Variants in AMDHD1 observed in about 807,000 individuals in gnomAD.
AMDHD1 encodes probable imidazolonepropionase.
Under a neutral mutation model 44.1 loss-of-function variants are expected in AMDHD1, and 45 were observed. The ratio of observed to expected loss-of-function variants is 1.02; its 90% CI spans 0.80 to 1.31. The LOEUF (loss-of-function observed/expected upper bound fraction) is 1.31. AMDHD1 is among the 50% of genes most tolerant of loss of function. AMDHD1 has a pLI of 0.00. For synonymous variants in AMDHD1, 206 were observed against 205.0 expected (o/e 1.00, Z -0.04); for missense variants, 586 against 552.1 (o/e 1.06, Z -0.61).
rs1228646079 is a variant in AMDHD1 at position 95,947,723 on chromosome 12, GC to G, written c.137+4195del. Reference sequence around the variant, plus strand: ...GTCCGGGAGGGAGATGGGGGGGTCAGCCCCCCCACCCGGCCAGCCGCCCCGT... The same window carrying G: ...GTCCGGGAGGGAGATGGGGGGGTCAGCCCCCCACCCGGCCAGCCGCCCCGT... On this transcript the variant is annotated intron_variant, in intron 1 of 8. Coordinates refer to ENST00000266736, the MANE Select transcript of AMDHD1 (RefSeq NM_152435.3). Among the ~76,000 whole-genome samples, 6 of 67,686 alleles carry G rather than the reference GC, an allele frequency of 8.9e-5. 1 individual carries two copies. The highest frequency in any genetic ancestry group is 1.5e-4 in the African/African-American group (2 of 13,588). The allele number at this position is 67,686 out of a possible 152,430, so 44.4% of individuals were successfully genotyped here. A position where few individuals can be genotyped will look rare whatever the true frequency, so the allele number is the denominator to read the frequency against.
At chr12:95,959,043 G>A (rs1374200430) in intron 4 of AMDHD1, among the ~76,000 whole-genome samples, 2 of 149,870 alleles carry the variant, frequency 1.3e-5, no homozygotes, top group Admixed American at 6.7e-5. Flanking sequence ...CAACAAGAGC[G>A]AAACTCTGTC....
chr12:95,958,838 C>T (rs2080565541), intron 4 of AMDHD1, among the ~76,000 whole-genome samples: 1 of 152,066 alleles, frequency 6.6e-6, no homozygotes, highest in Non-Finnish European at 1.5e-5. Flanking sequence ...GGTGGATCAC[C>T]TGAGGTCAGA....
chr12:95,949,190 G>A (rs2080515834), intron 1 of AMDHD1, among the ~76,000 whole-genome samples: 2 of 140,992 alleles, frequency 1.4e-5, no homozygotes, highest in Admixed American at 7.2e-5. Context: ...AGACTGCACA[G>A]AGGGGTGCCT....
In AMDHD1 at chr12:95,962,538, C is replaced by T. The variant is rs116125628; in HGVS notation, c.938+59C>T. On this transcript the variant is annotated intron_variant, in intron 6 of 8. Coordinates refer to ENST00000266736, the MANE Select transcript of AMDHD1 (RefSeq NM_152435.3). Reference sequence around the variant, plus strand: ...CAAGTACAAGCTGTGAAGACACAGACGTCCAAAGTGCCCAGACATTATTTC... The same window carrying T: ...CAAGTACAAGCTGTGAAGACACAGATGTCCAAAGTGCCCAGACATTATTTC... 1,118 of 1,524,074 alleles carry T rather than the reference C, an allele frequency of 7.3e-4. 1 individual carries two copies. Among genetic ancestry groups the T allele is most frequent in the African/African-American group, 5.3e-3 (380 of 71,774 alleles). The allele number at this position is 1,524,074 out of a possible 1,614,324, so 94.4% of individuals were successfully genotyped here. A position where few individuals can be genotyped will look rare whatever the true frequency, so the allele number is the denominator to read the frequency against.
At chr12:95,960,867 A>G (rs1419951258) in intron 5 of AMDHD1, among the ~76,000 whole-genome samples, 1 of 152,150 alleles carries the variant, frequency 6.6e-6, no homozygotes, top group Non-Finnish European at 1.5e-5. Flanking sequence ...TAGCAAAAGA[A>G]TTGGCTGGGC....
intron 4 of AMDHD1, 90 bp from the exon 5 acceptor site, chr12:95,960,308 G>C: frequency 9.1e-7 from 1 of 1,102,118 alleles, no homozygotes; most frequent in East Asian, 2.5e-5. Flanking sequence ...TACCTCTACT[G>C]CTCCTCAGGT....
At chr12:95,963,939 G>A (rs2080595781) in intron 6 of AMDHD1, among the ~76,000 whole-genome samples, 1 of 149,938 alleles carries the variant, frequency 6.7e-6, no homozygotes, top group South Asian at 2.1e-4. Flanking sequence ...TGAGGCAGGA[G>A]AATCCCTTGA....
In AMDHD1 at chr12:95,949,941, T is replaced by C. The variant is rs79919728; in HGVS notation, c.138-2776T>C. ...GAGAACCACACTGTTGAAAGGTAGATAAGCATGGGATTAGTGGGGTCAGGA... is the reference window on the plus strand; with the variant it reads ...GAGAACCACACTGTTGAAAGGTAGACAAGCATGGGATTAGTGGGGTCAGGA... On this transcript the variant is annotated intron_variant, in intron 1 of 8. Coordinates refer to ENST00000266736, the MANE Select transcript of AMDHD1 (RefSeq NM_152435.3). Among the ~76,000 whole-genome samples the C allele has an allele frequency of 1.1e-4, 17 of 152,318 alleles. No homozygotes were observed. In the East Asian group the frequency reaches 2.7e-3, roughly 24 times the overall value.
intron 1 of AMDHD1, among the ~76,000 whole-genome samples, chr12:95,949,303 T>C (rs973168173): frequency 2.6e-5 from 4 of 152,158 alleles, no homozygotes; most frequent in African/African-American, 9.7e-5. Flanking sequence ...CAATTCTAAA[T>C]TTTCACAAAG....
intron 6 of AMDHD1, 22 bp from the exon 7 acceptor site, chr12:95,965,664 C>T: frequency 1.9e-6 from 3 of 1,554,162 alleles, no homozygotes; most frequent in Non-Finnish European, 2.7e-6. Context: ...TAGAGACTGA[C>T]ATATTTTTTT....
chr12:95,943,990 C>A (rs1213181071), intron 1 of AMDHD1, among the ~76,000 whole-genome samples: 1 of 152,114 alleles, frequency 6.6e-6, no homozygotes, highest in African/African-American at 2.4e-5. Flanking sequence ...TTCAAAAGTA[C>A]CTTTCACATC....
intron 5 of AMDHD1, 54 bp downstream of exon 5, chr12:95,960,677 G>C (rs2043608): frequency 0.48 from 736,098 of 1,531,990 alleles, 179,999 homozygotes; most frequent in African/African-American, 0.66. Flanking sequence ...GCACATTCAT[G>C]CTATGGGAAA....
At chr12:95,956,302 G>A (rs1383687623) in intron 3 of AMDHD1, among the ~76,000 whole-genome samples, 3 of 152,126 alleles carry the variant, frequency 2.0e-5, no homozygotes, top group Admixed American at 2.0e-4. Flanking sequence ...TAGAGATGGG[G>A]TTTCACCATA....
intron 8 of AMDHD1, 124 bp from the exon 9 acceptor site, chr12:95,967,632 A>G (rs2080617905): frequency 8.2e-6 from 6 of 728,116 alleles, no homozygotes; most frequent in Middle Eastern, 3.5e-4. Context: ...AAGCCCAAAT[A>G]CCATTGACTG....
At position 95,967,940 on chromosome 12, in the gene AMDHD1, C is replaced by A; in HGVS notation, c.*97C>A. 1.2e-6 allele frequency: 1 copy of A among 839,866 alleles called. No individual in the cohort carries two copies. Among genetic ancestry groups the A allele is most frequent in the Non-Finnish European group, 1.8e-6 (1 of 548,972 alleles). The allele number at this position is 839,866 out of a possible 1,614,324, so 52.0% of individuals were successfully genotyped here. A position where few individuals can be genotyped will look rare whatever the true frequency, so the allele number is the denominator to read the frequency against. On this transcript the variant is annotated 3_prime_UTR_variant, in exon 9 of 9. Coordinates refer to ENST00000266736, the MANE Select transcript of AMDHD1 (RefSeq NM_152435.3). ...CTTAATATTTACAAGAATTATATCACTTAAACCTAAATGTACTTCAATGTC... is the reference window on the plus strand; with the variant it reads ...CTTAATATTTACAAGAATTATATCAATTAAACCTAAATGTACTTCAATGTC...
At chr12:95,957,157 C>T (rs1230646812) in intron 4 of AMDHD1, among the ~76,000 whole-genome samples, 195 bp downstream of exon 4, 1 of 152,186 alleles carries the variant, frequency 6.6e-6, no homozygotes, top group African/African-American at 2.4e-5. Context: ...TCTGCTAGTC[C>T]TTTAATTATG....
At chr12:95,954,806 C>T (rs893985585) in intron 2 of AMDHD1, 105 bp from the exon 3 acceptor site, 7 of 1,008,258 alleles carry the variant, frequency 6.9e-6, no homozygotes, top group African/African-American at 3.2e-5. Context: ...TGGATGGCCA[C>T]CATCACACTT....
chr12:95,944,345 TTATTTATTTA>T (rs936944583), intron 1 of AMDHD1, among the ~76,000 whole-genome samples: 5 of 150,562 alleles, frequency 3.3e-5, no homozygotes, highest in African/African-American at 1.2e-4. Context: ...ATTTATTTAT[TTATTTATTTA>T]TTTATTTATT....
chr12:95,943,364 C>T lies in AMDHD1; in HGVS notation c.-35C>T. 2 of 1,470,754 alleles carry T rather than the reference C, an allele frequency of 1.4e-6. No homozygotes were observed. The highest frequency in any genetic ancestry group is 1.8e-6 in the Non-Finnish European group (2 of 1,118,534). The allele number at this position is 1,470,754 out of a possible 1,614,324, so 91.1% of individuals were successfully genotyped here. A position where few individuals can be genotyped will look rare whatever the true frequency, so the allele number is the denominator to read the frequency against. On this transcript the variant is annotated 5_prime_UTR_variant, in exon 1 of 9. Transcript: ENST00000266736. ...CTGAGTCCTGCCGGTGGCCCGAGCC[C>T]GGTGGCCTCCCGGCGACCCTCGGCG...
Sources: allele counts gnomAD v4.1 joint callset (sites outside exome capture counted in the v4.1 genomes callset), GRCh38; gene constraint gnomAD v4.1.1; transcripts MANE v1.5; gene names NCBI Gene and HGNC (gene_info 2026-07-23, HGNC 2026-07-21).